Variants in EDNRA observed in about 807,000 individuals in gnomAD.
EDNRA encodes the protein endothelin-1 receptor.
Under a neutral mutation model 41.4 loss-of-function variants are expected in EDNRA, and 11 were observed. The ratio of observed to expected loss-of-function variants is 0.27; its 90% CI spans 0.17 to 0.44. The LOEUF is 0.44. Ranked by LOEUF, EDNRA falls within the 20% of genes least tolerant of loss-of-function variation. The probability of loss-of-function intolerance (pLI) is 1.00; values close to 1 mark genes in which losing one functional copy is unlikely to be tolerated. For missense variants in EDNRA, 294 were observed against 531.0 expected (o/e 0.55, Z 4.39); for synonymous variants, 172 against 183.0 (o/e 0.94, Z 0.49).
chr4:147,525,430 G>A (rs1466120811), intron 3 of EDNRA, among the ~76,000 whole-genome samples: 2 of 152,130 alleles, frequency 1.3e-5, no homozygotes, highest in Non-Finnish European at 2.9e-5. Flanking sequence ...CCCCTATCCA[G>A]CTTTCTTGTT....
intron 2 of EDNRA, among the ~76,000 whole-genome samples, chr4:147,487,407 A>G (rs973094914): frequency 2.0e-5 from 3 of 152,238 alleles, no homozygotes; most frequent in Admixed American, 6.5e-5. Context: ...GGCCTGATCT[A>G]TGCCAGATTT....
At chr4:147,542,385 A>G in intron 7 of EDNRA, 93 bp from the exon 8 acceptor site, 4 of 1,549,810 alleles carry the variant, frequency 2.6e-6, no homozygotes, top group Non-Finnish European at 3.5e-6. Context: ...GCGAATGGAC[A>G]TTTGCCCCTC....
At chr4:147,530,141 G>T (rs1213916729) in intron 3 of EDNRA, among the ~76,000 whole-genome samples, 1 of 152,140 alleles carries the variant, frequency 6.6e-6, no homozygotes, top group Non-Finnish European at 1.5e-5. Context: ...AGAACATGTT[G>T]ACCACATTTT....
chr4:147,532,364 C>T, intron 3 of EDNRA, 142 bp from the exon 4 acceptor site: 4 of 389,654 alleles, frequency 1.0e-5, no homozygotes, highest in Non-Finnish European at 1.9e-5. Context: ...ACTTGGTTTT[C>T]ATACCAAGAC....
chr4:147,505,286 G>A (rs1729656840), intron 2 of EDNRA, among the ~76,000 whole-genome samples: 1 of 142,482 alleles, frequency 7.0e-6, no homozygotes, highest in Non-Finnish European at 1.5e-5. Context: ...GAAACGGAAT[G>A]TAGAGCCACT....
At chr4:147,501,890 T>C (rs1421386094) in intron 2 of EDNRA, among the ~76,000 whole-genome samples, 1 of 152,226 alleles carries the variant, frequency 6.6e-6, no homozygotes, top group African/African-American at 2.4e-5. Flanking sequence ...TCCTGTGCCA[T>C]AGGTCAAGTG....
At position 147,532,499 on chromosome 4, in the gene EDNRA, T is replaced by G. The variant is rs1283376152; in HGVS notation, c.549-7T>G. 9 of 1,613,788 alleles carry G rather than the reference T, an allele frequency of 5.6e-6. No homozygotes were observed. On this transcript the variant is annotated splice_polypyrimidine_tract_variant and splice_region_variant and intron_variant, in intron 3 of 7. Coordinates refer to ENST00000651419, the MANE Select transcript of EDNRA (RefSeq NM_001957.4). ...TAACAACTTGGTTCCATTACCCTTT[T>G]TTTCAGGTACAGAGCAGTTGCCTCC...
intron 2 of EDNRA, among the ~76,000 whole-genome samples, chr4:147,503,560 TAGAAA>T (rs1729586523): frequency 6.6e-6 from 1 of 152,240 alleles, no homozygotes; most frequent in South Asian, 2.1e-4. Context: ...TGCAGTCGAT[TAGAAA>T]TTGCAACCAC....
chr4:147,520,984 C>T (rs1325362902), intron 3 of EDNRA, among the ~76,000 whole-genome samples: 6 of 152,106 alleles, frequency 3.9e-5, no homozygotes, highest in Admixed American at 3.9e-4. Context: ...CAGCTGGGCA[C>T]GGTGGCTCAC....
intron 2 of EDNRA, among the ~76,000 whole-genome samples, chr4:147,505,618 A>G (rs1162734600): frequency 1.4e-5 from 2 of 145,756 alleles, no homozygotes; most frequent in African/African-American, 2.6e-5. Flanking sequence ...CTGTGATTAC[A>G]GGCGTAAGCC....
At chr4:147,536,777 A>G (rs1423989386) in intron 5 of EDNRA, among the ~76,000 whole-genome samples, 1 of 152,184 alleles carries the variant, frequency 6.6e-6, no homozygotes, top group Non-Finnish European at 1.5e-5. Context: ...ATAGGAGGCT[A>G]ATGTTGGTCC....
chr4:147,538,515 G>A (rs1164792795), intron 5 of EDNRA, among the ~76,000 whole-genome samples: 1 of 152,156 alleles, frequency 6.6e-6, no homozygotes, highest in Non-Finnish European at 1.5e-5. Flanking sequence ...GCTTTTAAAA[G>A]CGTTATCCTC....
At chr4:147,532,148 TAAAAA>T (rs61086622) in intron 3 of EDNRA, among the ~76,000 whole-genome samples, 102 of 114,630 alleles carry the variant, frequency 8.9e-4, no homozygotes, top group Admixed American at 1.2e-3. Flanking sequence ...CCGTCTCTAC[TAAAAA>T]AAAAAAAAAA....
At chr4:147,517,653 C>T (rs546034631) in intron 2 of EDNRA, among the ~76,000 whole-genome samples, 1 of 152,144 alleles carries the variant, frequency 6.6e-6, no homozygotes, top group Non-Finnish European at 1.5e-5. Flanking sequence ...AATCAATGCT[C>T]ACTCCTAGGA....
intron 3 of EDNRA, chr4:147,520,449 A>G: frequency 1.9e-6 from 1 of 519,082 alleles, no homozygotes; most frequent in Non-Finnish European, 3.8e-6. Context: ...AGTTTTAAAA[A>G]GAGTGCAACA....
At chr4:147,529,654 A>G (rs971770360) in intron 3 of EDNRA, among the ~76,000 whole-genome samples, 1 of 152,252 alleles carries the variant, frequency 6.6e-6, no homozygotes, top group Non-Finnish European at 1.5e-5. Context: ...CAGATTTTCC[A>G]TGACAACTGA....
chr4:147,525,338 C>A lies in EDNRA; in HGVS notation c.548+5360C>A, dbSNP rs543427737. Among the ~76,000 whole-genome samples, 3 of 152,232 alleles carry A rather than the reference C, an allele frequency of 2.0e-5. No homozygotes were observed. In the East Asian group the frequency reaches 5.8e-4, roughly 29 times the overall value. ...CTCAGTTTAACCTTTTGAATAATTCCTCCGCAAATCTAGTTTCACATCCTT... is the reference window on the plus strand; with the variant it reads ...CTCAGTTTAACCTTTTGAATAATTCATCCGCAAATCTAGTTTCACATCCTT... On this transcript the variant is annotated intron_variant, in intron 3 of 7. Coordinates refer to ENST00000651419, the MANE Select transcript of EDNRA (RefSeq NM_001957.4).
At chr4:147,513,345 G>T (rs1230212090) in intron 2 of EDNRA, among the ~76,000 whole-genome samples, 2 of 152,190 alleles carry the variant, frequency 1.3e-5, no homozygotes, top group African/African-American at 4.8e-5. Context: ...TATGGATAGG[G>T]GATAGGGAGA....
At position 147,486,029 on chromosome 4, in the gene EDNRA, C is replaced by T. The variant is rs200498759; in HGVS notation, c.348C>T (p.Asn116=). 61 of 1,614,256 alleles carry T rather than the reference C, an allele frequency of 3.8e-5. No homozygotes were observed. The highest frequency in any genetic ancestry group is 2.7e-4 in the East Asian group (12 of 44,896). ...YQNKCMRNGP[N]ALIASLALGD... is the part of the protein sequence containing the mutation. The stretch of plus-strand genomic sequence containing the variant: ...ACAAATGTATGAGGAATGGCCCCAA[C>T]GCGCTGATAGCCAGTCTTGCCCTTG... Residue 116 remains asparagine (N), a synonymous_variant, in exon 2 of 8, where the codon AAC becomes AAT. Transcript: ENST00000651419. The surrounding 1 kb of genome is among the most constrained non-coding windows in gnomAD (Gnocchi z 4.3).
Sources: allele counts gnomAD v4.1 joint callset (sites outside exome capture counted in the v4.1 genomes callset), GRCh38; gene constraint gnomAD v4.1.1; non-coding constraint Gnocchi (gnomAD v3.1); transcripts MANE v1.5; gene names NCBI Gene and HGNC (gene_info 2026-07-23, HGNC 2026-07-21).